SLFN12L: variants seen among roughly 807,000 people sequenced by gnomAD.
SLFN12L encodes the protein schlafen family member 12-like.
Under a neutral mutation model 34.8 loss-of-function variants are expected in SLFN12L, and 34 were observed. The observed-to-expected ratio is 0.98, with a 90% CI of 0.74 to 1.30. SLFN12L has a LOEUF of 1.30. Ranked by LOEUF, SLFN12L falls within the 50% of genes most tolerant of loss-of-function variation. SLFN12L has a pLI of 0.00. For synonymous variants in SLFN12L, 259 were observed against 247.5 expected (o/e 1.05, Z -0.44); for missense variants, 703 against 696.2 (o/e 1.01, Z -0.11).
chr17:35,475,508 A>G, intron 4 of SLFN12L, 23 bp from the exon 5 acceptor site: 1 of 1,537,494 alleles, frequency 6.5e-7, no homozygotes. Flanking sequence ...ATAATGATAA[A>G]TTATAAAAGA....
intron 2 of SLFN12L, among the ~76,000 whole-genome samples, chr17:35,506,527 G>A (rs1915469610): frequency 6.6e-6 from 1 of 152,174 alleles, no homozygotes; most frequent in Non-Finnish European, 1.5e-5. Flanking sequence ...AGAAATTGAT[G>A]GGGCTGGACT....
At chr17:35,508,028 G>A (rs1485052846) in intron 2 of SLFN12L, among the ~76,000 whole-genome samples, 1 of 152,152 alleles carries the variant, frequency 6.6e-6, no homozygotes, top group Non-Finnish European at 1.5e-5. Flanking sequence ...CCGTGCCCTG[G>A]GCCTGGTTAA....
rs910083959 is a variant in SLFN12L, at chr17:35,470,930, T to C, written c.*3993A>G. ...TGTAGTGTTTCATTTTCTGTTCCCA[T>C]GTTAGTTTGCTGAGGATGATGGCTT... is the stretch of plus-strand genomic sequence containing the variant. On this transcript the variant is annotated 3_prime_UTR_variant, in exon 5 of 5. Transcript: ENST00000628453. Among the ~76,000 whole-genome samples, 4 of 152,044 alleles carry C rather than the reference T, an allele frequency of 2.6e-5. No homozygotes were observed. Among genetic ancestry groups the C allele is most frequent in the Non-Finnish European group, 5.9e-5 (4 of 68,000 alleles).
In SLFN12L at chr17:35,464,818, C is replaced by T. The variant is rs918248862; in HGVS notation, c.*10105G>A. Among the ~76,000 whole-genome samples, 66 of 152,232 alleles carry T rather than the reference C, an allele frequency of 4.3e-4. No homozygotes were observed. The highest frequency in any genetic ancestry group is 1.5e-3 in the African/African-American group (64 of 41,544). Reference sequence around the variant, plus strand: ...TTTGTATACCAAAGAATTTATATAACAAAAAGATAGCTAAGGTCGTGATTG... The same window carrying T: ...TTTGTATACCAAAGAATTTATATAATAAAAAGATAGCTAAGGTCGTGATTG... On this transcript the variant is annotated 3_prime_UTR_variant, in exon 5 of 5. Transcript: ENST00000628453.
chr17:35,487,244 C>G (rs1914617263), intron 2 of SLFN12L, among the ~76,000 whole-genome samples: 2 of 152,282 alleles, frequency 1.3e-5, no homozygotes, highest in Non-Finnish European at 2.9e-5. Flanking sequence ...CCCGGCCGCC[C>G]TGCGGCTTTT....
At chr17:35,493,345 C>A (rs1165743770) in intron 2 of SLFN12L, among the ~76,000 whole-genome samples, 1 of 152,174 alleles carries the variant, frequency 6.6e-6, no homozygotes, top group Non-Finnish European at 1.5e-5. Context: ...CCCTATTTCC[C>A]AAATTTATAT....
intron 2 of SLFN12L, chr17:35,500,248 A>G (rs1294598174): frequency 6.6e-6 from 1 of 152,180 alleles, no homozygotes; most frequent in African/African-American, 2.4e-5. Context: ...TATGATGAGT[A>G]AAGAGTCTGA....
intron 2 of SLFN12L, among the ~76,000 whole-genome samples, chr17:35,495,898 GAAACACAC>G: frequency 1.0e-5 from 1 of 96,318 alleles, no homozygotes; most frequent in Non-Finnish European, 2.0e-5. Context: ...AAGCCGATTT[GAAACACAC>G]ACACACACAC....
rs1913784500 is a variant in SLFN12L at position 35,470,284 on chromosome 17, C to G, written c.*4639G>C. 1 of 155,362 alleles carries G rather than the reference C, an allele frequency of 6.4e-6. No individual in the cohort carries two copies. Among genetic ancestry groups the G allele is most frequent in the Non-Finnish European group, 1.4e-5 (1 of 70,012 alleles). 9.6% of individuals were successfully genotyped at this position (155,362 alleles called of 1,614,324 possible). A position where few individuals can be genotyped will look rare whatever the true frequency, so the allele number is the denominator to read the frequency against. On this transcript the variant is annotated 3_prime_UTR_variant, in exon 5 of 5. Transcript: ENST00000628453. ...GGCCAACAGAACCATAGAAATTGGT[C>G]TGCCATGTGTTAACGTTTAGTCCAA...
chr17:35,530,512 GAAAA>G lies in SLFN12L; in HGVS notation c.-606+7057_-606+7060del, dbSNP rs1597887217. On this transcript the variant is annotated intron_variant, in intron 1 of 4. Transcript: ENST00000628453. ...AGAAAGAAAGAAAGAAAGAAAGAAA[GAAAA>G]GAAAAGAAAAGAAAAGAAAAGAAAA... Among the ~76,000 whole-genome samples the G allele has an allele frequency of 2.7e-4, 9 of 33,338 alleles. No homozygotes were observed. In the East Asian group the frequency reaches 4.2e-3, roughly 16 times the overall value. 21.9% of individuals were successfully genotyped at this position (33,338 alleles called of 152,430 possible).
intron 2 of SLFN12L, among the ~76,000 whole-genome samples, chr17:35,500,746 C>T (rs897188484): frequency 6.6e-6 from 1 of 150,998 alleles, no homozygotes; most frequent in African/African-American, 2.4e-5. Flanking sequence ...AAAAAAAGAT[C>T]GACCCCTGAC....
intron 2 of SLFN12L, among the ~76,000 whole-genome samples, chr17:35,487,476 C>CCT (rs1914633240): frequency 1.3e-5 from 2 of 152,070 alleles, no homozygotes; most frequent in Admixed American, 6.5e-5. Flanking sequence ...GGACCACCCC[C>CCT]CCCGGACCCC....
intron 2 of SLFN12L, chr17:35,490,959 C>T: frequency 1.3e-6 from 1 of 784,812 alleles, no homozygotes; most frequent in Non-Finnish European, 2.3e-6. Context: ...TTGGTTTCAA[C>T]CAACTCAGGA....
chr17:35,518,338 G>A (rs1315632906), intron 2 of SLFN12L, among the ~76,000 whole-genome samples: 1 of 152,144 alleles, frequency 6.6e-6, no homozygotes, highest in African/African-American at 2.4e-5. Flanking sequence ...GATCACTTGA[G>A]GTCAGGAGTT....
At chr17:35,537,098 G>A (rs1359180978) in intron 1 of SLFN12L, among the ~76,000 whole-genome samples, 1 of 151,942 alleles carries the variant, frequency 6.6e-6, no homozygotes, top group Non-Finnish European at 1.5e-5. Flanking sequence ...AGGATCCTTT[G>A]AGCCCTGGAA....
In SLFN12L at chr17:35,511,352, G is replaced by T. The variant is rs144911226; in HGVS notation, c.86+10927C>A. 3.3e-3 allele frequency among the ~76,000 whole-genome samples: 505 copies of T among 152,194 alleles called. 2 individuals carry two copies. The highest frequency in any genetic ancestry group is 0.012 in the African/African-American group (492 of 41,520). On this transcript the variant is annotated intron_variant, in intron 2 of 4. Transcript: ENST00000628453. Reference sequence around the variant, plus strand: ...TGTTTCAACAAGGTCAGAAAGATAGGCAAGAAGATGGTAAAATAAACTTAC... The same window carrying T: ...TGTTTCAACAAGGTCAGAAAGATAGTCAAGAAGATGGTAAAATAAACTTAC...
intron 1 of SLFN12L, among the ~76,000 whole-genome samples, chr17:35,534,028 T>A (rs944183645): frequency 6.6e-6 from 1 of 151,708 alleles, no homozygotes; most frequent in Admixed American, 6.6e-5. Flanking sequence ...GTCAAAATCA[T>A]GCCACTGCAC....
intron 2 of SLFN12L, among the ~76,000 whole-genome samples, chr17:35,505,885 A>G (rs575894069): frequency 6.6e-6 from 1 of 152,344 alleles, no homozygotes; most frequent in African/African-American, 2.4e-5. Flanking sequence ...AAGTACTTCA[A>G]CTGACCTTCC....
chr17:35,495,364 G>A (rs776951180), intron 2 of SLFN12L, among the ~76,000 whole-genome samples: 1 of 152,160 alleles, frequency 6.6e-6, no homozygotes, highest in Admixed American at 6.5e-5. Flanking sequence ...GGGTTTCTAG[G>A]TAGGTCAATT....
Sources: gnomAD v4.1 joint callset for allele counts (sites outside exome capture counted in the v4.1 genomes callset) on GRCh38, gnomAD v4.1.1 for gene constraint, MANE v1.5 for transcripts, NCBI Gene and HGNC (gene_info 2026-07-23, HGNC 2026-07-21) for gene names.